The following DTNA variants were observed in gnomAD, a reference collection of about 807,000 sequenced individuals.
DTNA encodes the protein dystrophin-related protein 3.
In DTNA, 43 loss-of-function variants were observed where a neutral mutation model predicts 100.7. The observed-to-expected ratio is 0.43, with a 90% CI of 0.33 to 0.55. The LOEUF is 0.55. DTNA is among the 20% of genes least tolerant of loss of function. The pLI is 0.04. For synonymous variants in DTNA, 349 were observed against 347.9 expected (o/e 1.00, Z -0.04); for missense variants, 798 against 953.9 (o/e 0.84, Z 2.15).
At chr18:34,885,190 C>T (rs1487996943) in intron 22 of DTNA, among the ~76,000 whole-genome samples, 1 of 152,148 alleles carries the variant, frequency 6.6e-6, no homozygotes, top group South Asian at 2.1e-4. Context: ...TACTATACCT[C>T]GGGCTCAAGA....
intron 1 of DTNA, among the ~76,000 whole-genome samples, chr18:34,711,000 A>G (rs1375722551): frequency 1.3e-5 from 2 of 152,088 alleles, no homozygotes; most frequent in Non-Finnish European, 2.9e-5. Context: ...GGTTTTATCT[A>G]TATTTTTTAA....
chr18:34,800,998 T>C (rs1424934818), intron 4 of DTNA, among the ~76,000 whole-genome samples: 2 of 144,824 alleles, frequency 1.4e-5, no homozygotes. Context: ...ACTTCTTTAT[T>C]ATGACAAGTC....
At chr18:34,796,603 TATAA>T (rs1485933830) in intron 4 of DTNA, among the ~76,000 whole-genome samples, 1 of 152,122 alleles carries the variant, frequency 6.6e-6, no homozygotes, top group African/African-American at 2.4e-5. Context: ...TAAATGGACA[TATAA>T]ATAAACAGGG....
chr18:34,797,876 C>A (rs1243585003), intron 4 of DTNA, among the ~76,000 whole-genome samples: 1 of 152,154 alleles, frequency 6.6e-6, no homozygotes, highest in East Asian at 1.9e-4. Flanking sequence ...CCAAAGACTT[C>A]TTTAGGAAAG....
chr18:34,773,837 T>C lies in DTNA; in HGVS notation c.148+7796T>C, dbSNP rs181227031. Among the ~76,000 whole-genome samples, 83 of 152,336 alleles carry C rather than the reference T, an allele frequency of 5.4e-4. 1 individual carries two copies. The East Asian group carries it at 0.016, about 29-fold the overall frequency. On this transcript the variant is annotated intron_variant, in intron 3 of 22. Coordinates refer to ENST00000444659, the MANE Select transcript of DTNA (RefSeq NM_001386795.1). ...TTTTAAAGTCCTGATGATTATGATATGGGTTTAATTAAAGCTGCTTCTTCC... is the reference window on the plus strand; with the variant it reads ...TTTTAAAGTCCTGATGATTATGATACGGGTTTAATTAAAGCTGCTTCTTCC...
chr18:34,802,151 C>T (rs2095237983), intron 4 of DTNA, among the ~76,000 whole-genome samples: 2 of 152,236 alleles, frequency 1.3e-5, no homozygotes, highest in South Asian at 4.1e-4. Context: ...CTGTGCACTT[C>T]CTGATGCTGC....
chr18:34,684,435 G>T (rs2078577742), intron 1 of DTNA, among the ~76,000 whole-genome samples: 2 of 152,092 alleles, frequency 1.3e-5, no homozygotes, highest in Non-Finnish European at 2.9e-5. Context: ...TCCTGAGAAT[G>T]ATGGTTTCCA....
chr18:34,523,643 C>T (rs1251645286), intron 1 of DTNA, among the ~76,000 whole-genome samples: 4 of 152,138 alleles, frequency 2.6e-5, no homozygotes, highest in Admixed American at 1.3e-4. Context: ...TGAACCTCTC[C>T]ATAACCTTGT....
intron 1 of DTNA, among the ~76,000 whole-genome samples, chr18:34,593,910 A>G (rs574912615): frequency 3.1e-4 from 47 of 152,266 alleles, no homozygotes; most frequent in Non-Finnish European, 6.0e-4. Flanking sequence ...GATGGAGTTC[A>G]GTTTCCCCTG....
At chr18:34,778,069 A>G (rs528392743) in intron 3 of DTNA, among the ~76,000 whole-genome samples, 3 of 152,292 alleles carry the variant, frequency 2.0e-5, no homozygotes, top group South Asian at 2.1e-4. Context: ...AGAAAGCCCT[A>G]TGGATTTGTG....
intron 1 of DTNA, among the ~76,000 whole-genome samples, chr18:34,666,562 G>A (rs1420538185): frequency 3.3e-5 from 5 of 151,816 alleles, no homozygotes; most frequent in South Asian, 2.1e-4. Context: ...TAGGTCTAAC[G>A]TTTAAGTCTT....
intron 1 of DTNA, among the ~76,000 whole-genome samples, chr18:34,635,664 T>C (rs2058589703): frequency 1.3e-5 from 2 of 152,162 alleles, no homozygotes; most frequent in Admixed American, 6.5e-5. Context: ...ACGTAGGCCT[T>C]CCAAATATTG....
chr18:34,794,183 A>G lies in DTNA; in HGVS notation c.295A>G (p.Thr99Ala), dbSNP rs200736432. The change falls in exon 4 of 23, where the codon ACT becomes GCT. Residue 99 changes from threonine (T) to alanine (A), a missense_variant. Thr to Ala is a moderately conservative substitution (Grantham distance 58). Transcript: ENST00000444659. ...CCAGCTCAACAAACGGATGCCAACC[A>G]CTCACCAAATCCATGTGGAGCAGTC... ...FYQLNKRMPT[T>A]HQIHVEQSIS... 54 of 1,613,886 alleles carry G rather than the reference A, an allele frequency of 3.3e-5. No individual in the cohort carries two copies. Among genetic ancestry groups the G allele is most frequent in the Non-Finnish European group, 4.0e-5 (47 of 1,179,984 alleles).
At chr18:34,823,205 T>C (rs1286764609) in intron 9 of DTNA, among the ~76,000 whole-genome samples, 1 of 152,190 alleles carries the variant, frequency 6.6e-6, no homozygotes, top group African/African-American at 2.4e-5. Flanking sequence ...ATCAAGGCCA[T>C]TGAAATGAAA....
rs147758259 is a variant in DTNA at position 34,595,648 on chromosome 18, A to G, written c.-2+102134A>G. On this transcript the variant is annotated intron_variant, in intron 1 of 19. Transcript: ENST00000283365. ...TGTTTCTATTATTACTCTTCCTGCTAGTTCTCATTCATGGTGTCTTAATTT... is the reference window on the plus strand; with the variant it reads ...TGTTTCTATTATTACTCTTCCTGCTGGTTCTCATTCATGGTGTCTTAATTT... 5.0e-3 allele frequency among the ~76,000 whole-genome samples: 761 copies of G among 152,286 alleles called. 6 individuals carry two copies. The highest frequency in any genetic ancestry group is 8.0e-3 in the Admixed American group (123 of 15,298).
At chr18:34,518,177 A>G (rs1601398215) in intron 1 of DTNA, among the ~76,000 whole-genome samples, 3 of 152,276 alleles carry the variant, frequency 2.0e-5, no homozygotes. Context: ...TTCCTTAATG[A>G]CTAACGATGT....
chr18:34,809,626 G>A lies in DTNA; in HGVS notation c.449-2333G>A, dbSNP rs186003390. 1.5e-3 allele frequency among the ~76,000 whole-genome samples: 221 copies of A among 152,230 alleles called. 2 individuals are homozygous for A. The highest frequency in any genetic ancestry group is 4.8e-3 in the African/African-American group (198 of 41,516). On this transcript the variant is annotated intron_variant, in intron 5 of 22. Transcript: ENST00000444659. The stretch of plus-strand genomic sequence containing the variant: ...CACGTTAAGCCAAAATGCCAGCTGT[G>A]CTTGTTTGGCAATTTTTCTATTTTT...
intron 1 of DTNA, among the ~76,000 whole-genome samples, chr18:34,721,866 C>T (rs1374973199): frequency 1.3e-5 from 2 of 152,122 alleles, no homozygotes; most frequent in Admixed American, 1.3e-4. Context: ...CTATCGGAGA[C>T]ATAAAAAATA....
At chr18:34,684,468 G>A (rs2078582668) in intron 1 of DTNA, among the ~76,000 whole-genome samples, 1 of 152,110 alleles carries the variant, frequency 6.6e-6, no homozygotes, top group Non-Finnish European at 1.5e-5. Flanking sequence ...TTCCTGTAAA[G>A]GACATGAACT....
Sources: allele counts gnomAD v4.1 joint callset (sites outside exome capture counted in the v4.1 genomes callset), GRCh38; gene constraint gnomAD v4.1.1; transcripts MANE v1.5; gene names NCBI Gene and HGNC (gene_info 2026-07-23, HGNC 2026-07-21).